ADCY1: variants seen among roughly 807,000 people sequenced by gnomAD.
ADCY1 encodes the protein adenylate cyclase type 1.
A neutral mutation model predicts 105.4 loss-of-function variants in ADCY1; 28 were observed. The observed-to-expected ratio is 0.27, with a 90% CI of 0.20 to 0.36. ADCY1 has a LOEUF of 0.36. ADCY1 is among the 10% of genes least tolerant of loss of function. The probability of loss-of-function intolerance (pLI) is 1.00; values close to 1 mark genes in which losing one functional copy is unlikely to be tolerated. For synonymous variants in ADCY1, 655 were observed against 623.8 expected (o/e 1.05, Z -0.75); for missense variants, 977 against 1,434.2 (o/e 0.68, Z 5.15).
intron 4 of ADCY1, among the ~76,000 whole-genome samples, chr7:45,624,950 T>C (rs1004839518): frequency 1.1e-4 from 16 of 152,216 alleles, no homozygotes; most frequent in African/African-American, 3.4e-4. Flanking sequence ...GGACCCACGT[T>C]GGGTCAGCCC....
At position 45,575,101 on chromosome 7, in the gene ADCY1, C is replaced by T; in HGVS notation, c.558C>T (p.Gly186=). The T allele has an allele frequency of 6.2e-7, 1 of 1,612,732 alleles. No individual in the cohort carries two copies. The highest frequency in any genetic ancestry group is 8.5e-7 in the Non-Finnish European group (1 of 1,179,896). ...LLPVRSLLAI[G]FGLVVAASHL... is the part of the protein sequence containing the mutation. Reference sequence around the variant, plus strand: ...CCGTGCGCAGCCTGCTGGCCATAGGCTTTGGGCTCGTGGTGGCTGCGTCGC... The same window carrying T: ...CCGTGCGCAGCCTGCTGGCCATAGGTTTTGGGCTCGTGGTGGCTGCGTCGC... The change falls in exon 1 of 20, where the codon GGC becomes GGT. Residue 186 remains glycine (G), a synonymous_variant. Coordinates refer to ENST00000297323, the MANE Select transcript of ADCY1 (RefSeq NM_021116.4). The surrounding 1 kb of genome is among the most constrained non-coding windows in gnomAD (Gnocchi z 4.7).
In ADCY1 at chr7:45,669,528, C is replaced by T. The variant is rs971444056; in HGVS notation, c.1605+7314C>T. Among the ~76,000 whole-genome samples the T allele has an allele frequency of 2.6e-5, 4 of 152,250 alleles. No individual in the cohort carries two copies. In the East Asian group the frequency reaches 7.7e-4, roughly 29 times the overall value. On this transcript the variant is annotated intron_variant, in intron 8 of 19. Coordinates refer to ENST00000297323, the MANE Select transcript of ADCY1 (RefSeq NM_021116.4). ...TATAATTTCAGTTCTTTTACATTTG[C>T]TGAGGAGTGCTTTACTTCCAACTAT...
intron 1 of ADCY1, among the ~76,000 whole-genome samples, chr7:45,584,791 G>A (rs1792668029): frequency 6.6e-6 from 1 of 152,250 alleles, no homozygotes; most frequent in African/African-American, 2.4e-5. Flanking sequence ...CCCAGCCTGT[G>A]GGGGCACCTG....
Position 45,574,893 on chromosome 7 carries a change from C to T in ADCY1, c.350C>T (p.Pro117Leu), listed in dbSNP as rs1314063804. ...VVTNVRSLQV[P>L]QLQQVGQLAL... ...ACCAACGTCCGGTCCCTGCAGGTGC[C>T]CCAGCTGCAGCAGGTCGGCCAGCTG... The change falls in exon 1 of 20, where the codon CCC (proline) becomes CTC (leucine). Residue 117 changes from proline (P) to leucine (L), a missense_variant. Coordinates refer to ENST00000297323, the MANE Select transcript of ADCY1 (RefSeq NM_021116.4). The surrounding 1 kb of genome is among the most constrained non-coding windows in gnomAD (Gnocchi z 7.0). 7 of 1,611,848 alleles carry T rather than the reference C, an allele frequency of 4.3e-6. No individual in the cohort carries two copies. The Admixed American group carries it at 1.2e-4, about 27-fold the overall frequency.
chr7:45,701,035 T>TA (rs1243425993), intron 14 of ADCY1, among the ~76,000 whole-genome samples: 4 of 152,194 alleles, frequency 2.6e-5, no homozygotes, highest in African/African-American at 9.7e-5. Flanking sequence ...AGAAGGGAAA[T>TA]ACCTTTTGAA....
At chr7:45,583,710 G>A (rs746597093) in intron 1 of ADCY1, among the ~76,000 whole-genome samples, 2 of 151,886 alleles carry the variant, frequency 1.3e-5, no homozygotes, top group African/African-American at 2.4e-5. Flanking sequence ...GCGCTGTCTC[G>A]GCTCACCACA....
intron 4 of ADCY1, among the ~76,000 whole-genome samples, chr7:45,639,676 G>T (rs1023625793): frequency 6.6e-6 from 1 of 152,216 alleles, no homozygotes; most frequent in Non-Finnish European, 1.5e-5. Flanking sequence ...TCACATTGTT[G>T]TAAGTTCTCA....
intron 3 of ADCY1, among the ~76,000 whole-genome samples, chr7:45,614,862 G>A (rs958787544): frequency 6.6e-6 from 1 of 152,142 alleles, no homozygotes; most frequent in Non-Finnish European, 1.5e-5. Context: ...CAGCATAAAA[G>A]CACCTAAGTA....
At chr7:45,579,287 A>C (rs1391804479) in intron 1 of ADCY1, among the ~76,000 whole-genome samples, 1 of 151,066 alleles carries the variant, frequency 6.6e-6, no homozygotes, top group Non-Finnish European at 1.5e-5. Context: ...CATGCTGTCA[A>C]CTCCCAGTTA....
chr7:45,609,933 C>T (rs983849442), intron 2 of ADCY1, among the ~76,000 whole-genome samples: 1 of 152,176 alleles, frequency 6.6e-6, no homozygotes, highest in Non-Finnish European at 1.5e-5. Context: ...GCCACATGGT[C>T]CCGTAGCCCG....
At chr7:45,603,786 T>C (rs1172235524) in intron 2 of ADCY1, among the ~76,000 whole-genome samples, 1 of 152,270 alleles carries the variant, frequency 6.6e-6, no homozygotes, top group African/African-American at 2.4e-5. Context: ...AAAATTTATA[T>C]AAATGGAATA....
At chr7:45,695,964 C>G (rs1779636932) in intron 14 of ADCY1, among the ~76,000 whole-genome samples, 1 of 152,228 alleles carries the variant, frequency 6.6e-6, no homozygotes, top group South Asian at 2.1e-4. Context: ...CAATTCCTCC[C>G]TGGTTCGAAA....
intron 2 of ADCY1, among the ~76,000 whole-genome samples, chr7:45,594,140 G>A (rs1489699103): frequency 6.6e-6 from 1 of 152,158 alleles, no homozygotes; most frequent in Non-Finnish European, 1.5e-5. Context: ...TAATCAGGTA[G>A]ATGTGTTTGC....
intron 14 of ADCY1, among the ~76,000 whole-genome samples, chr7:45,687,115 G>A (rs1012282637): frequency 2.0e-5 from 3 of 152,296 alleles, no homozygotes; most frequent in Non-Finnish European, 1.5e-5. Context: ...TAGGTCAGCA[G>A]GTGGGGGCTG....
rs907656427 is a variant in ADCY1, at chr7:45,574,797, G to T, written c.254G>T (p.Gly85Val). ...CTGGCCGAGCTGCTGGGCGCGCCGG[G>T]GCCCGCGCCCGGCCTGGCCAAGGGC... is the stretch of plus-strand genomic sequence containing the variant. ...LALAELLGAPGPAPGLAKGSH... is the reference protein window; with the variant it reads ...LALAELLGAPVPAPGLAKGSH... Residue 85 changes from glycine (G) to valine (V), a missense_variant, in exon 1 of 20, where the codon GGG (glycine) becomes GTG (valine). By Grantham distance (109) the Gly-to-Val change is moderately radical. Coordinates refer to ENST00000297323, the MANE Select transcript of ADCY1 (RefSeq NM_021116.4). This position sits in a 1 kb window ranked among gnomAD's most constrained non-coding sequence, Gnocchi z 7.0. 3 of 1,564,258 alleles carry T rather than the reference G, an allele frequency of 1.9e-6. No individual in the cohort carries two copies. Among genetic ancestry groups the T allele is most frequent in the Non-Finnish European group, 1.7e-6 (2 of 1,162,172 alleles).
At chr7:45,611,985 A>G (rs956777388) in intron 3 of ADCY1, among the ~76,000 whole-genome samples, 1 of 152,192 alleles carries the variant, frequency 6.6e-6, no homozygotes, top group African/African-American at 2.4e-5. Flanking sequence ...TTCATTGGAA[A>G]TGAGTTGAGG....
At position 45,714,211 on chromosome 7, in the gene ADCY1, G is replaced by T. The variant is rs111369294; in HGVS notation, c.*216G>T. 1.7e-6 allele frequency: 1 copy of T among 579,200 alleles called. No homozygotes were observed. Among genetic ancestry groups the T allele is most frequent in the Non-Finnish European group, 3.1e-6 (1 of 326,046 alleles). 35.9% of individuals were successfully genotyped at this position (579,200 alleles called of 1,614,324 possible). Reference sequence around the variant, plus strand: ...GTGACTCGGTGAGGGGAGGACACCCGACTGTGCACACTTCCAGGCCTCCCT... The same window carrying T: ...GTGACTCGGTGAGGGGAGGACACCCTACTGTGCACACTTCCAGGCCTCCCT... On this transcript the variant is annotated 3_prime_UTR_variant, in exon 20 of 20. Coordinates refer to ENST00000297323, the MANE Select transcript of ADCY1 (RefSeq NM_021116.4).
intron 1 of ADCY1, among the ~76,000 whole-genome samples, chr7:45,587,284 A>G (rs1773599101): frequency 6.6e-6 from 1 of 152,170 alleles, no homozygotes; most frequent in African/African-American, 2.4e-5. Context: ...ATGTATGTGC[A>G]TGGCATGGCA....
chr7:45,620,233 G>A (rs1014552564), intron 3 of ADCY1, among the ~76,000 whole-genome samples: 2 of 152,118 alleles, frequency 1.3e-5, no homozygotes, highest in African/African-American at 2.4e-5. Flanking sequence ...TGGTTATAGG[G>A]TCTTGGGGGA....
Sources: gnomAD v4.1 joint callset for allele counts (sites outside exome capture counted in the v4.1 genomes callset) on GRCh38, gnomAD v4.1.1 for gene constraint, Gnocchi (gnomAD v3.1) non-coding constraint, MANE v1.5 for transcripts, NCBI Gene and HGNC (gene_info 2026-07-23, HGNC 2026-07-21) for gene names.